The following BMP1 variants were observed in gnomAD, a reference collection of about 807,000 sequenced individuals.
The protein encoded by BMP1 is bone morphogenetic protein 1, also known as mammalian tolloid protein.
A neutral mutation model predicts 116.8 loss-of-function variants in BMP1; 63 were observed. The observed-to-expected ratio is 0.54, with a 90% confidence interval of 0.44 to 0.67. The LOEUF (loss-of-function observed/expected upper bound fraction) is 0.67. Among genes scored for constraint, BMP1 ranks in the 30% least tolerant of loss-of-function variants. BMP1 has a pLI of 0.00. For synonymous variants in BMP1, 536 were observed against 533.4 expected (o/e 1.00, Z -0.07); for missense variants, 1,183 against 1,358.9 (o/e 0.87, Z 2.04).
chr8:22,176,997 C>G lies in BMP1; in HGVS notation c.588C>G (p.Pro196=). The change falls in exon 5 of 20, where the codon CCC becomes CCG. Residue 196 remains proline (P), a synonymous_variant. Transcript: ENST00000306385. The part of the protein sequence containing the change: ...CSYVGRRGGG[P]QAISIGKNCD... Reference sequence around the variant, plus strand: ...ACGTGGGTCGCCGCGGCGGGGGCCCCCAGGCCATCTCCATCGGCAAGAACT... The same window carrying G: ...ACGTGGGTCGCCGCGGCGGGGGCCCGCAGGCCATCTCCATCGGCAAGAACT... 6.2e-7 allele frequency: 1 copy of G among 1,612,632 alleles called. No homozygotes were observed. Among genetic ancestry groups the G allele is most frequent in the Non-Finnish European group, 8.5e-7 (1 of 1,179,540 alleles).
chr8:22,177,176 G>A, intron 5 of BMP1, 37 bp downstream of exon 5: 2 of 1,536,626 alleles, frequency 1.3e-6, no homozygotes, highest in East Asian at 2.4e-5. Flanking sequence ...TTGGTGGGCG[G>A]CTCCCGCCCC....
At chr8:22,176,855 C>A (rs1360143037) in intron 4 of BMP1, 106 bp from the exon 5 acceptor site, 3 of 1,035,782 alleles carry the variant, frequency 2.9e-6, no homozygotes, top group Admixed American at 4.6e-5. Flanking sequence ...GCCCACCCCT[C>A]CCCTTCGCTC....
chr8:22,187,066 C>A (rs1399809098), intron 8 of BMP1, among the ~76,000 whole-genome samples: 7 of 149,482 alleles, frequency 4.7e-5, no homozygotes, highest in Non-Finnish European at 1.0e-4. Flanking sequence ...GTGCAGCTCA[C>A]TGCAACCTCT....
rs138679501 is a variant in BMP1 at position 22,172,404 on chromosome 8, C to T, written c.149-1198C>T. Among the ~76,000 whole-genome samples the T allele has an allele frequency of 1.9e-3, 286 of 152,108 alleles. 2 individuals carry two copies. Among genetic ancestry groups the T allele is most frequent in the African/African-American group, 6.7e-3 (279 of 41,508 alleles). ...GGTCTCTGGAAACATCCCTCCTCAG[C>T]TCCAGATACTGGAATCGGAATGGCC... On this transcript the variant is annotated intron_variant, in intron 1 of 19. Transcript: ENST00000306385.
At chr8:22,201,480 G>T (rs1312926285) in intron 15 of BMP1, 8 of 1,399,120 alleles carry the variant, frequency 5.7e-6, no homozygotes, top group Non-Finnish European at 6.5e-6. Context: ...CCTTTCTCTT[G>T]CAGTCTGCTT....
chr8:22,176,930 A>T, intron 4 of BMP1, 31 bp from the exon 5 acceptor site: 3 of 1,482,280 alleles, frequency 2.0e-6, no homozygotes, highest in Non-Finnish European at 2.7e-6. Flanking sequence ...CCAGCTCGGG[A>T]CCGCCCCCCT....
intron 15 of BMP1, 100 bp from the exon 16 acceptor site, chr8:22,201,703 C>A: frequency 1.3e-6 from 2 of 1,551,474 alleles, no homozygotes; most frequent in South Asian, 2.3e-5. Flanking sequence ...GTTGCTCTGT[C>A]CCGGTGGGAG....
rs200653366 is a variant in BMP1, at chr8:22,194,766, C to A, written c.1486C>A (p.Arg496Ser). The change falls in exon 12 of 20, where the codon CGC becomes AGC. Residue 496 changes from arginine (R) to serine (S), a missense_variant. Coordinates refer to ENST00000306385, the MANE Select transcript of BMP1 (RefSeq NM_006129.5). This position sits in a 1 kb window ranked among gnomAD's most constrained non-coding sequence, Gnocchi z 4.5. ...DSCAYDYLEV[R>S]DGHSESSTLI... ...CTGTGCCTACGACTATCTGGAGGTG[C>A]GCGACGGGCACAGTGAGAGCAGCAC... The A allele has an allele frequency of 1.2e-6, 2 of 1,612,852 alleles. No homozygotes were observed.
chr8:22,191,274 A>G (rs548157644), intron 8 of BMP1, among the ~76,000 whole-genome samples: 7 of 152,290 alleles, frequency 4.6e-5, no homozygotes, highest in Admixed American at 4.6e-4. Flanking sequence ...TCACAGCAGG[A>G]AATGCAGAGT....
intron 16 of BMP1, 85 bp downstream of exon 16, chr8:22,202,013 C>G (rs971232766): frequency 5.3e-6 from 8 of 1,503,604 alleles, no homozygotes; most frequent in Non-Finnish European, 5.3e-6. Context: ...CATCAGCCTC[C>G]GTTTAGATTC....
chr8:22,172,605 C>CTTT, intron 1 of BMP1, among the ~76,000 whole-genome samples: 1 of 140,818 alleles, frequency 7.1e-6, no homozygotes, highest in African/African-American at 2.8e-5. Flanking sequence ...ATTTTATTTC[C>CTTT]TCTTTTTTTT....
intron 1 of BMP1, among the ~76,000 whole-genome samples, chr8:22,166,583 T>A (rs939467976): frequency 2.0e-5 from 3 of 152,030 alleles, no homozygotes; most frequent in Admixed American, 1.3e-4. Flanking sequence ...CTTCAGCTCA[T>A]CTCCAAATAG....
At chr8:22,182,473 G>T (rs1399800272) in intron 8 of BMP1, among the ~76,000 whole-genome samples, 3 of 152,182 alleles carry the variant, frequency 2.0e-5, no homozygotes, top group Non-Finnish European at 2.9e-5. Flanking sequence ...CGGGATGTAC[G>T]CTCCTTCTGA....
chr8:22,176,915 CT>C, intron 4 of BMP1, 45 bp from the exon 5 acceptor site: 3 of 1,531,264 alleles, frequency 2.0e-6, no homozygotes, highest in Non-Finnish European at 2.7e-6. Flanking sequence ...AGTGGATGCA[CT>C]CCCCCAGCTC....
intron 13 of BMP1, 32 bp from the exon 14 acceptor site, chr8:22,196,648 C>T (rs770868463): frequency 5.7e-5 from 92 of 1,612,904 alleles, no homozygotes; most frequent in Middle Eastern, 3.5e-4. Context: ...AGGGGCTCCC[C>T]GCAGACGATG....
At chr8:22,200,087 G>A (rs560227293) in intron 15 of BMP1, among the ~76,000 whole-genome samples, 2 of 152,298 alleles carry the variant, frequency 1.3e-5, no homozygotes, top group South Asian at 4.1e-4. Flanking sequence ...GGGGTCCACT[G>A]GATCCCTCAT....
At chr8:22,188,185 T>G (rs1421063236) in intron 8 of BMP1, among the ~76,000 whole-genome samples, 4 of 150,056 alleles carry the variant, frequency 2.7e-5, no homozygotes, top group South Asian at 2.1e-4. Flanking sequence ...GGGTTTTTTT[T>G]TTTTTTTTTT....
Position 22,179,583 on chromosome 8 carries a change from C to A in BMP1, c.837-122C>A, listed in dbSNP as rs374680328. The A allele has an allele frequency of 1.9e-6, 3 of 1,562,210 alleles. No homozygotes were observed. Among genetic ancestry groups the A allele is most frequent in the African/African-American group, 2.7e-5 (2 of 74,036 alleles). ...GTGAGACGACTCCACCCGGCCCTGA[C>A]CCTGCTGAGGAATGTCTGAGCTCCA... On this transcript the variant is annotated intron_variant, in intron 6 of 19. Coordinates refer to ENST00000306385, the MANE Select transcript of BMP1 (RefSeq NM_006129.5). The surrounding 1 kb of genome is among the most constrained non-coding windows in gnomAD (Gnocchi z 4.6).
chr8:22,199,212 G>GA, intron 15 of BMP1: 1 of 1,367,580 alleles, frequency 7.3e-7, no homozygotes, highest in Non-Finnish European at 9.8e-7. Context: ...CCCCACTGGG[G>GA]GCATCGAGGC....
Sources: allele counts gnomAD v4.1 joint callset (sites outside exome capture counted in the v4.1 genomes callset), GRCh38; gene constraint gnomAD v4.1.1; non-coding constraint Gnocchi (gnomAD v3.1); transcripts MANE v1.5; gene names NCBI Gene and HGNC (gene_info 2026-07-23, HGNC 2026-07-21).